RTKN: variants seen among roughly 807,000 people sequenced by gnomAD.
RTKN encodes rhotekin.
Under a neutral mutation model 63.5 loss-of-function variants are expected in RTKN, and 49 were observed. That is an observed-to-expected ratio of 0.77 (90% CI 0.61 to 0.98). The LOEUF (loss-of-function observed/expected upper bound fraction) is 0.98, where lower values mean the gene tolerates loss of function less well. Among genes scored for constraint, RTKN ranks in the 50% least tolerant of loss-of-function variants. RTKN has a pLI of 0.00. For synonymous variants in RTKN, 295 were observed against 290.4 expected (o/e 1.02, Z -0.16); for missense variants, 685 against 740.8 (o/e 0.92, Z 0.87).
chr2:74,427,586 G>A lies in RTKN; in HGVS notation c.1093C>T (p.Arg365Ter), dbSNP rs199677316. 2.3e-5 allele frequency: 37 copies of A among 1,611,886 alleles called. No individual in the cohort carries two copies. Among genetic ancestry groups the A allele is most frequent in the Non-Finnish European group, 3.0e-5 (35 of 1,179,708 alleles). The change falls in exon 10 of 12, where the codon CGA becomes TGA. Residue 365 changes from arginine (R) to a stop codon, truncating the protein, a stop_gained. Transcript: ENST00000272430. LOFTEE classifies it high-confidence loss of function. ...LLTIAVNKET[R>*]VRAGELDQAL... The stretch of plus-strand genomic sequence containing the variant: ...TGGTCCAGCTCCCCTGCCCGGACTC[G>A]AGTCTCCTGCAGGAGAAAGAAGAGG...
rs1671045752 is a variant in RTKN at position 74,436,151 on chromosome 2, C to A, written c.112-3485G>T. On this transcript the variant is annotated intron_variant, in intron 1 of 11. Transcript: ENST00000272430. The surrounding 1 kb of genome is among the most constrained non-coding windows in gnomAD (Gnocchi z 4.3). ...AGGGGGACACGGAGGTGTCCTCAAC[C>A]CCCATCTTGGCTAGTCTCATCCCAG... 6.6e-6 allele frequency among the ~76,000 whole-genome samples: 1 copy of A among 152,256 alleles called. No homozygotes were observed. Among genetic ancestry groups the A allele is most frequent in the Admixed American group, 6.5e-5 (1 of 15,288 alleles).
rs532819376 is a variant in RTKN at position 74,432,585 on chromosome 2, G to A, written c.193C>T (p.Arg65Ter). The part of the protein sequence containing the change: ...ACKLLAACSQ[R>*]EQALEATKSL... Reference sequence around the variant, plus strand: ...TTGGTGGCCTCCAGAGCCTGCTCTCGCTGGGAGCAGGCTGCCAGCAGCTTA... The same window carrying A: ...TTGGTGGCCTCCAGAGCCTGCTCTCACTGGGAGCAGGCTGCCAGCAGCTTA... Residue 65 changes from arginine (R) to a stop codon, truncating the protein, a stop_gained, in exon 2 of 12, where the codon CGA (arginine) becomes TGA (stop). Coordinates refer to ENST00000272430, the MANE Select transcript of RTKN (RefSeq NM_001015055.2). LOFTEE classifies it high-confidence loss of function. 9 of 1,613,910 alleles carry A rather than the reference G, an allele frequency of 5.6e-6. No individual in the cohort carries two copies. Among genetic ancestry groups the A allele is most frequent in the East Asian group, 2.2e-5 (1 of 44,882 alleles).
chr2:74,430,061 T>C, intron 5 of RTKN, 24 bp from the exon 6 acceptor site: 1 of 1,612,496 alleles, frequency 6.2e-7, no homozygotes, highest in Non-Finnish European at 8.5e-7. Flanking sequence ...GAAAGGAGGG[T>C]GGTCACAGGA....
chr2:74,428,935 G>A lies in RTKN; in HGVS notation c.763C>T (p.Arg255Cys), dbSNP rs200409091. The A allele has an allele frequency of 1.1e-5, 18 of 1,613,638 alleles. No individual in the cohort carries two copies. Among genetic ancestry groups the A allele is most frequent in the Middle Eastern group, 3.3e-4 (2 of 6,034 alleles). Reference protein sequence around the residue: ...LLPTPVVGGPRYHLLAHTTLT... With the variant: ...LLPTPVVGGPCYHLLAHTTLT... ...GTGGTGTGAGCCAAGAGGTGGTAAC[G>A]AGGACCACTGAGGGAGATAGGAGAG... The change falls in exon 7 of 12, where the codon CGT becomes TGT. Residue 255 changes from arginine (R) to cysteine (C), a missense_variant. Arg to Cys is a radical substitution (Grantham distance 180, BLOSUM62 -3). Coordinates refer to ENST00000272430, the MANE Select transcript of RTKN (RefSeq NM_001015055.2).
intron 2 of RTKN, 192 bp downstream of exon 2, chr2:74,432,275 T>C (rs1462742979): frequency 2.8e-6 from 2 of 713,320 alleles, no homozygotes; most frequent in Non-Finnish European, 2.5e-6. Context: ...AGTCCTGCCC[T>C]GGCTACTCAC....
At position 74,441,750 on chromosome 2, in the gene RTKN, T is replaced by G. The variant is rs150159600; in HGVS notation, c.67A>C (p.Lys23Gln). 3.1e-6 allele frequency: 5 copies of G among 1,612,266 alleles called. No individual in the cohort carries two copies. Among genetic ancestry groups the G allele is most frequent in the Non-Finnish European group, 2.5e-6 (3 of 1,179,662 alleles). The change falls in exon 1 of 12, where the codon AAA (lysine) becomes CAA (glutamine). Residue 23 changes from lysine (K) to glutamine (Q), a missense_variant. Transcript: ENST00000272430. ...ARGSALEMEF[K>Q]RGRFRLSLFS... The stretch of plus-strand genomic sequence containing the variant: ...AGGCTGAGTCGGAAGCGGCCGCGTT[T>G]GAACTCCATCTCCAGGGCGGAGCCC...
At chr2:74,428,816 T>G (rs1019616063) in intron 7 of RTKN, 32 bp downstream of exon 7, 6 of 1,607,318 alleles carry the variant, frequency 3.7e-6, no homozygotes, top group Non-Finnish European at 5.1e-6. Context: ...CACCATCACA[T>G]GTGTATGTCC....
intron 5 of RTKN, 69 bp downstream of exon 5, chr2:74,430,183 C>A: frequency 1.9e-6 from 3 of 1,547,902 alleles, no homozygotes; most frequent in Non-Finnish European, 2.7e-6. Context: ...AGCTTCCTCC[C>A]CTGGAACTCG....
At chr2:74,435,819 C>A (rs1167106757) in intron 1 of RTKN, among the ~76,000 whole-genome samples, 2 of 152,178 alleles carry the variant, frequency 1.3e-5, no homozygotes, top group Non-Finnish European at 1.5e-5. Context: ...TCTCTCAGAC[C>A]CGAACACCCT....
At chr2:74,437,999 G>A (rs79035100) in intron 1 of RTKN, among the ~76,000 whole-genome samples, 21,158 of 152,132 alleles carry the variant, frequency 0.14, 1,867 homozygotes, top group East Asian at 0.46. Context: ...GTCTGGGCTC[G>A]TTGATAAAGA....
At chr2:74,426,640 A>C in intron 11 of RTKN, 66 bp from the exon 12 acceptor site, 1 of 1,496,866 alleles carries the variant, frequency 6.7e-7, no homozygotes, top group Non-Finnish European at 8.9e-7. Flanking sequence ...AAGCCTACCC[A>C]GCCCTATCAC....
Position 74,425,942 on chromosome 2 carries a change from A to AGG in RTKN, c.*299_*300dup. On this transcript the variant is annotated 3_prime_UTR_variant, in exon 12 of 12. Coordinates refer to ENST00000272430, the MANE Select transcript of RTKN (RefSeq NM_001015055.2). ...TCACAAGGGAGGTATGTTTGCTCCA[A>AGG]GGGTTCTTCAGTGCCATCCTCAAAG... 1.4e-6 allele frequency: 1 copy of AGG among 694,584 alleles called. No homozygotes were observed. The highest frequency in any genetic ancestry group is 1.9e-5 in the South Asian group (1 of 52,386). The allele number at this position is 694,584 out of a possible 1,614,324, so 43.0% of individuals were successfully genotyped here.
chr2:74,439,515 T>C, intron 1 of RTKN: 1 of 1,609,282 alleles, frequency 6.2e-7, no homozygotes, highest in Non-Finnish European at 8.5e-7. Flanking sequence ...GGGATGCAAG[T>C]GAAGGAGGTG....
chr2:74,427,754 C>A, intron 9 of RTKN, 162 bp from the exon 10 acceptor site: 1 of 693,926 alleles, frequency 1.4e-6, no homozygotes. Context: ...CAAAAAAGGG[C>A]TGGGGATGAG....
At chr2:74,430,980 G>T in intron 2 of RTKN, 1 of 378,054 alleles carries the variant, frequency 2.6e-6, no homozygotes, top group Non-Finnish European at 4.8e-6. Context: ...GACAGGTGCA[G>T]CCTTGAGGGG....
At chr2:74,428,139 G>A in intron 9 of RTKN, 129 bp downstream of exon 9, 1 of 1,202,122 alleles carries the variant, frequency 8.3e-7, no homozygotes. Flanking sequence ...CCTGAAGCTG[G>A]ATGTGGCACT....
chr2:74,440,824 G>A (rs1671329674), intron 1 of RTKN, among the ~76,000 whole-genome samples: 1 of 152,382 alleles, frequency 6.6e-6, no homozygotes, highest in Admixed American at 6.5e-5. Context: ...AGGCTGGAGG[G>A]AAAGGGCAGA....
intron 1 of RTKN, among the ~76,000 whole-genome samples, chr2:74,433,856 G>GT (rs1670903929): frequency 6.6e-6 from 1 of 152,046 alleles, no homozygotes; most frequent in African/African-American, 2.4e-5. Flanking sequence ...GGTTAAATAA[G>GT]TAACAGTACA....
In RTKN at chr2:74,428,247, T is replaced by TAC. The variant is rs768744653; in HGVS notation, c.1086+19_1086+20dup. 9 of 1,613,942 alleles carry TAC rather than the reference T, an allele frequency of 5.6e-6. No individual in the cohort carries two copies. In the Admixed American group the frequency reaches 1.3e-4, roughly 24 times the overall value. Reference sequence around the variant, plus strand: ...CCTGGGCCTGTGCCCTTGGTGGCCTTACTACCAAGGGACCCATCACCTTGT... The same window carrying TAC: ...CCTGGGCCTGTGCCCTTGGTGGCCTTACACTACCAAGGGACCCATCACCTTGT... On this transcript the variant is annotated intron_variant, in intron 9 of 11. Transcript: ENST00000272430.
Sources: gnomAD v4.1 joint callset for allele counts (sites outside exome capture counted in the v4.1 genomes callset) on GRCh38, gnomAD v4.1.1 for gene constraint, Gnocchi (gnomAD v3.1) non-coding constraint, MANE v1.5 for transcripts, NCBI Gene and HGNC (gene_info 2026-07-23, HGNC 2026-07-21) for gene names.